The following PRSS50 variants were observed in gnomAD, a reference collection of about 807,000 sequenced individuals.
PRSS50 encodes the protein serine protease 50, also known as probable threonine protease PRSS50.
In PRSS50, 23 loss-of-function variants were observed where a neutral mutation model predicts 34.2. The ratio of observed to expected loss-of-function variants is 0.67; its 90% CI spans 0.48 to 0.95. PRSS50 has a LOEUF of 0.95. PRSS50 is among the 40% of genes least tolerant of loss of function. The probability of loss-of-function intolerance (pLI) is 0.00; values close to 1 mark genes in which losing one functional copy is unlikely to be tolerated. For missense variants in PRSS50, 484 were observed against 513.4 expected, an observed-to-expected ratio of 0.94 and a Z score of 0.55; for synonymous variants, 224 against 211.2, an observed-to-expected ratio of 1.06 and a Z score of -0.53.
chr3:46,716,748 T>C lies in PRSS50; in HGVS notation c.307+689A>G, dbSNP rs1700689500. 6.6e-6 allele frequency among the ~76,000 whole-genome samples: 1 copy of C among 152,186 alleles called. No homozygotes were observed. Among genetic ancestry groups the C allele is most frequent in the Non-Finnish European group, 1.5e-5 (1 of 68,030 alleles). ...TTTCTCTAGATTGAAGATGCACATA[T>C]CCAACATCTCAGGAGTCCCATTCCT... is the stretch of plus-strand genomic sequence containing the variant. On this transcript the variant is annotated intron_variant, in intron 2 of 5. Coordinates refer to ENST00000315170, the MANE Select transcript of PRSS50 (RefSeq NM_013270.5). This position sits in a 1 kb window ranked among gnomAD's most constrained non-coding sequence, Gnocchi z 4.4.
Position 46,712,358 on chromosome 3 carries a change from TAGG to T in PRSS50, c.1043_1045del (p.Ser348del), listed in dbSNP as rs1700631701. ...GAGGCAGTCCCAGATCCAGTGTTGG[TAGG>T]AGGAGACCTGTAGGTAGATGGGTGG... On this transcript the variant is annotated inframe_deletion, in exon 6 of 6. Transcript: ENST00000315170. 3 of 1,613,838 alleles carry T rather than the reference TAGG, an allele frequency of 1.9e-6. No homozygotes were observed. The highest frequency in any genetic ancestry group is 2.2e-5 in the South Asian group (2 of 91,058).
In PRSS50 at chr3:46,717,801, G is replaced by A; in HGVS notation, c.24C>T (p.Val8=). 6.5e-7 allele frequency: 1 copy of A among 1,542,776 alleles called. No individual in the cohort carries two copies. Among genetic ancestry groups the A allele is most frequent in the Non-Finnish European group, 8.7e-7 (1 of 1,145,196 alleles). MGRWCQT[V]ARGQRPRTSA... is the part of the protein sequence containing the mutation. ...ACGTCCGGGGGCGCTGCCCGCGCGC[G>A]ACGGTCTGGCACCAGCGACCCATCC... Residue 8 remains valine (V), a synonymous_variant, in exon 1 of 6, where the codon GTC becomes GTT. Coordinates refer to ENST00000315170, the MANE Select transcript of PRSS50 (RefSeq NM_013270.5). This position sits in a 1 kb window ranked among gnomAD's most constrained non-coding sequence, Gnocchi z 4.5.
Position 46,717,681 on chromosome 3 carries a change from G to C in PRSS50, c.106+38C>G. 2 of 1,600,730 alleles carry C rather than the reference G, an allele frequency of 1.2e-6. No individual in the cohort carries two copies. The highest frequency in any genetic ancestry group is 1.7e-6 in the Non-Finnish European group (2 of 1,173,882). The stretch of plus-strand genomic sequence containing the variant: ...GGATTAGAGGTGGAAGGCGAGGGCC[G>C]CGTCAGGCGGGTGGGGTAGGGATCG... On this transcript the variant is annotated intron_variant, in intron 1 of 5. Coordinates refer to ENST00000315170, the MANE Select transcript of PRSS50 (RefSeq NM_013270.5). The surrounding 1 kb of genome is among the most constrained non-coding windows in gnomAD (Gnocchi z 4.5).
rs749611912 is a variant in PRSS50 at position 46,715,613 on chromosome 3, C to T, written c.392G>A (p.Arg131Gln). ...ARRWPWMVSV[R>Q]ANGTHICAGT... Reference sequence around the variant, plus strand: ...GGCACAGATGTGTGTGCCATTGGCCCGCACGCTGACCATCCAGGGCCACCG... The same window carrying T: ...GGCACAGATGTGTGTGCCATTGGCCTGCACGCTGACCATCCAGGGCCACCG... The change falls in exon 3 of 6, where the codon CGG (arginine) becomes CAG (glutamine). Residue 131 changes from arginine (R) to glutamine (Q), a missense_variant. Transcript: ENST00000315170. This position sits in a 1 kb window ranked among gnomAD's most constrained non-coding sequence, Gnocchi z 5.2. The T allele has an allele frequency of 1.5e-5, 25 of 1,613,032 alleles. No homozygotes were observed. In the East Asian group the frequency reaches 1.8e-4, roughly 12 times the overall value.
At chr3:46,714,006 G>A (rs547486811) in intron 4 of PRSS50, among the ~76,000 whole-genome samples, 1 of 152,316 alleles carries the variant, frequency 6.6e-6, no homozygotes, top group Admixed American at 6.5e-5. Flanking sequence ...AGGCAATCAG[G>A]GTCCCCTGAG....
At position 46,715,040 on chromosome 3, in the gene PRSS50, C is replaced by T. The variant is rs1468257941; in HGVS notation, c.470+495G>A. On this transcript the variant is annotated intron_variant, in intron 3 of 5. Coordinates refer to ENST00000315170, the MANE Select transcript of PRSS50 (RefSeq NM_013270.5). The surrounding 1 kb of genome is among the most constrained non-coding windows in gnomAD (Gnocchi z 5.2). ...GCCCCAAAACATCAGAACACTCCCTCTTTTGTCCCCACACCAACCAGGCAC... is the reference window on the plus strand; with the variant it reads ...GCCCCAAAACATCAGAACACTCCCTTTTTTGTCCCCACACCAACCAGGCAC... Among the ~76,000 whole-genome samples, 2 of 152,234 alleles carry T rather than the reference C, an allele frequency of 1.3e-5. No individual in the cohort carries two copies. The highest frequency in any genetic ancestry group is 2.9e-5 in the Non-Finnish European group (2 of 68,044).
At position 46,713,650 on chromosome 3, in the gene PRSS50, T is replaced by C. The variant is rs200557301; in HGVS notation, c.754+568A>G. Among the ~76,000 whole-genome samples the C allele has an allele frequency of 5.3e-5, 8 of 152,342 alleles. No homozygotes were observed. In the East Asian group the frequency reaches 1.5e-3, roughly 29 times the overall value. Reference sequence around the variant, plus strand: ...GCCACAGGGAAGGGCATCTCTCTTATGGGCTGGGGACCCCCTGAAGGAAGT... The same window carrying C: ...GCCACAGGGAAGGGCATCTCTCTTACGGGCTGGGGACCCCCTGAAGGAAGT... On this transcript the variant is annotated intron_variant, in intron 4 of 5. Transcript: ENST00000315170.
chr3:46,714,372 C>G lies in PRSS50; in HGVS notation c.600G>C (p.Trp200Cys). The change falls in exon 4 of 6, where the codon TGG (tryptophan) becomes TGC (cysteine). Residue 200 changes from tryptophan to cysteine, a missense_variant. Coordinates refer to ENST00000315170, the MANE Select transcript of PRSS50 (RefSeq NM_013270.5). ...SRYRAQRFWS[W>C]VGQANDIGLL... is the part of the protein sequence containing the mutation. Reference sequence around the variant, plus strand: ...GGCCGATGTCGTTGGCCTGGCCCACCCAGGACCAGAACCGCTGGGCCCGGT... The same window carrying G: ...GGCCGATGTCGTTGGCCTGGCCCACGCAGGACCAGAACCGCTGGGCCCGGT... 6.2e-7 allele frequency: 1 copy of G among 1,613,976 alleles called. No individual in the cohort carries two copies. Among genetic ancestry groups the G allele is most frequent in the Non-Finnish European group, 8.5e-7 (1 of 1,179,974 alleles).
At position 46,715,148 on chromosome 3, in the gene PRSS50, G is replaced by C. The variant is rs563795281; in HGVS notation, c.470+387C>G. ...ATCCCTCCTCTGCCCCCAGTGTCCA[G>C]GCCAGGGCCTTGCTCAAAGAAGTGT... On this transcript the variant is annotated intron_variant, in intron 3 of 5. Coordinates refer to ENST00000315170, the MANE Select transcript of PRSS50 (RefSeq NM_013270.5). The surrounding 1 kb of genome is among the most constrained non-coding windows in gnomAD (Gnocchi z 5.2). Among the ~76,000 whole-genome samples the C allele has an allele frequency of 6.6e-6, 1 of 152,350 alleles. No individual in the cohort carries two copies. Among genetic ancestry groups the C allele is most frequent in the African/African-American group, 2.4e-5 (1 of 41,584 alleles).
rs201371500 is a variant in PRSS50, at chr3:46,712,851, C to T, written c.921+50G>A. On this transcript the variant is annotated intron_variant, in intron 5 of 5. Transcript: ENST00000315170. ...CGTTCCGCTCTCCCTCCCCAGATGC[C>T]TCTCCCCCAGGTGCCCCTGAAGGGG... The T allele has an allele frequency of 3.1e-4, 497 of 1,597,468 alleles. 3 individuals are homozygous for T. The African/African-American group carries it at 5.7e-3, about 18-fold the overall frequency.
Position 46,716,382 on chromosome 3 carries a change from A to C in PRSS50, c.308-685T>G, listed in dbSNP as rs1700683904. Among the ~76,000 whole-genome samples the C allele has an allele frequency of 6.6e-6, 1 of 152,140 alleles. No individual in the cohort carries two copies. The highest frequency in any genetic ancestry group is 2.4e-5 in the African/African-American group (1 of 41,424). ...ATGATCTTCCCACCTCAGCCTCCTG[A>C]ATAGCTGGGACTACAGGCACACACA... On this transcript the variant is annotated intron_variant, in intron 2 of 5. Coordinates refer to ENST00000315170, the MANE Select transcript of PRSS50 (RefSeq NM_013270.5). The surrounding 1 kb of genome is among the most constrained non-coding windows in gnomAD (Gnocchi z 4.4).
In PRSS50 at chr3:46,714,281, C is replaced by T; in HGVS notation, c.691G>A (p.Asp231Asn). The change falls in exon 4 of 6, where the codon GAC (aspartate) becomes AAC (asparagine). Residue 231 changes from aspartate to asparagine, a missense_variant. Asp to Asn is a conservative substitution (Grantham distance 23). Coordinates refer to ENST00000315170, the MANE Select transcript of PRSS50 (RefSeq NM_013270.5). ...YVRPICLPGT[D>N]YVLKDHSRCT... ...CGGGAATGGTCCTTCAACACATAGT[C>T]CGTGCCAGGCAGGCAGATGGGCCGC... 1.2e-6 allele frequency: 2 copies of T among 1,614,160 alleles called. No homozygotes were observed. The highest frequency in any genetic ancestry group is 1.1e-5 in the South Asian group (1 of 91,084).
rs760545397 is a variant in PRSS50 at position 46,714,355 on chromosome 3, T to TC, written c.616dup (p.Asp206GlyfsTer46). On this transcript the variant is annotated frameshift_variant, in exon 4 of 6. Coordinates refer to ENST00000315170, the MANE Select transcript of PRSS50 (RefSeq NM_013270.5). LOFTEE classifies it high-confidence loss of function. ...CTGCTTGAGCTTGAGGAGGCCGATG[T>TC]CGTTGGCCTGGCCCACCCAGGACCA... The TC allele has an allele frequency of 6.2e-7, 1 of 1,614,036 alleles. No individual in the cohort carries two copies. The highest frequency in any genetic ancestry group is 8.5e-7 in the Non-Finnish European group (1 of 1,180,006).
Position 46,715,383 on chromosome 3 carries a change from A to G in PRSS50, c.470+152T>C. 1.1e-5 allele frequency: 11 copies of G among 1,017,176 alleles called. No individual in the cohort carries two copies. The highest frequency in any genetic ancestry group is 1.4e-5 in the Non-Finnish European group (10 of 707,780). The allele number at this position is 1,017,176 out of a possible 1,614,324, so 63.0% of individuals were successfully genotyped here. On this transcript the variant is annotated intron_variant, in intron 3 of 5. Coordinates refer to ENST00000315170, the MANE Select transcript of PRSS50 (RefSeq NM_013270.5). This position sits in a 1 kb window ranked among gnomAD's most constrained non-coding sequence, Gnocchi z 5.2. ...GACACTGAAAAGACTGGAGCTCTGA[A>G]GGAATTTTCAGGACTCAGCCTCCAC...
At position 46,717,046 on chromosome 3, in the gene PRSS50, G is replaced by A. The variant is rs1350273947; in HGVS notation, c.307+391C>T. On this transcript the variant is annotated intron_variant, in intron 2 of 5. Transcript: ENST00000315170. This position sits in a 1 kb window ranked among gnomAD's most constrained non-coding sequence, Gnocchi z 4.5. ...AGGCTCACACAGCCTGGCCCTGAAA[G>A]CTGTGCTGGAGATCCCAGAGGTCCC... 6.6e-6 allele frequency among the ~76,000 whole-genome samples: 1 copy of A among 152,226 alleles called. No homozygotes were observed. The highest frequency in any genetic ancestry group is 1.5e-5 in the Non-Finnish European group (1 of 68,040).
rs1575473103 is a variant in PRSS50, at chr3:46,717,358, T to C, written c.307+79A>G. On this transcript the variant is annotated intron_variant, in intron 2 of 5. Coordinates refer to ENST00000315170, the MANE Select transcript of PRSS50 (RefSeq NM_013270.5). The surrounding 1 kb of genome is among the most constrained non-coding windows in gnomAD (Gnocchi z 4.5). ...TCCTGCTCGCCCCCGTCCCTTCTGC[T>C]CCCCTAGCCCCAGCCAAGGTCCTTA... The C allele has an allele frequency of 6.6e-6, 10 of 1,523,146 alleles. No homozygotes were observed. The highest frequency in any genetic ancestry group is 9.0e-6 in the Non-Finnish European group (10 of 1,107,570). 94.4% of individuals were successfully genotyped at this position (1,523,146 alleles called of 1,614,324 possible). A position where few individuals can be genotyped will look rare whatever the true frequency, so the allele number is the denominator to read the frequency against.
At position 46,715,408 on chromosome 3, in the gene PRSS50, C is replaced by T; in HGVS notation, c.470+127G>A. 2 of 1,287,134 alleles carry T rather than the reference C, an allele frequency of 1.6e-6. No homozygotes were observed. The highest frequency in any genetic ancestry group is 2.1e-6 in the Non-Finnish European group (2 of 944,350). 79.7% of individuals were successfully genotyped at this position (1,287,134 alleles called of 1,614,324 possible). A position where few individuals can be genotyped will look rare whatever the true frequency, so the allele number is the denominator to read the frequency against. On this transcript the variant is annotated intron_variant, in intron 3 of 5. Transcript: ENST00000315170. The surrounding 1 kb of genome is among the most constrained non-coding windows in gnomAD (Gnocchi z 5.2). ...AGGAATTTTCAGGACTCAGCCTCCA[C>T]CTGCTTGGAGCCCAGATGAGGCTGG...
rs1031563746 is a variant in PRSS50, at chr3:46,713,030, T to C, written c.792A>G (p.Glu264=). Reference sequence around the variant, plus strand: ...ACTCTTTGTTGTTCAGGATGATGACTTCCTTCTCCTGAATGGTCCGGAACT... The same window carrying C: ...ACTCTTTGTTGTTCAGGATGATGACCTCCTTCTCCTGAATGGTCCGGAACT... ...WPQFRTIQEK[E]VIILNNKECD... The change falls in exon 5 of 6, where the codon GAA becomes GAG. Residue 264 remains glutamate, a synonymous_variant. Coordinates refer to ENST00000315170, the MANE Select transcript of PRSS50 (RefSeq NM_013270.5). The C allele has an allele frequency of 3.1e-6, 5 of 1,614,054 alleles. No individual in the cohort carries two copies. In the African/African-American group the frequency reaches 4.0e-5, roughly 13 times the overall value.
In PRSS50 at chr3:46,712,134, T is replaced by G; in HGVS notation, c.*112A>C. On this transcript the variant is annotated 3_prime_UTR_variant, in exon 6 of 6. Transcript: ENST00000315170. ...GAAGGAGGCATGGAAAACAGTAATGTTTAATTGAGCACCTCATCTCCACCC... is the reference window on the plus strand; with the variant it reads ...GAAGGAGGCATGGAAAACAGTAATGGTTAATTGAGCACCTCATCTCCACCC... 1 of 962,960 alleles carries G rather than the reference T, an allele frequency of 1.0e-6. No homozygotes were observed. The highest frequency in any genetic ancestry group is 1.5e-6 in the Non-Finnish European group (1 of 647,784). The allele number at this position is 962,960 out of a possible 1,614,324, so 59.7% of individuals were successfully genotyped here.
Sources: gnomAD v4.1 joint callset for allele counts (sites outside exome capture counted in the v4.1 genomes callset) on GRCh38, gnomAD v4.1.1 for gene constraint, Gnocchi (gnomAD v3.1) non-coding constraint, MANE v1.5 for transcripts, NCBI Gene and HGNC (gene_info 2026-07-23, HGNC 2026-07-21) for gene names.